Variants in PHLPP1 observed in about 807,000 individuals in gnomAD.
PHLPP1 encodes PH domain leucine-rich repeat-containing protein phosphatase 1.
PHLPP1 carries 42 observed loss-of-function variants against 117.2 expected under a neutral mutation model. That is an observed-to-expected ratio of 0.36 (90% CI 0.28 to 0.46). The LOEUF (loss-of-function observed/expected upper bound fraction) is 0.46, where lower values mean the gene tolerates loss of function less well. Among genes scored for constraint, PHLPP1 ranks in the 20% least tolerant of loss-of-function variants. The pLI, the probability that PHLPP1 is intolerant of heterozygous loss-of-function variation, is 1.00. For missense variants in PHLPP1, 2,084 were observed against 2,241.9 expected, an observed-to-expected ratio of 0.93 and a Z score of 1.42; for synonymous variants, 1,042 against 970.7, an observed-to-expected ratio of 1.07 and a Z score of -1.37.
intron 4 of PHLPP1, among the ~76,000 whole-genome samples, chr18:62,882,156 G>A (rs1916187517): frequency 6.6e-6 from 1 of 152,110 alleles, no homozygotes; most frequent in African/African-American, 2.4e-5. Flanking sequence ...CATGACTGTA[G>A]GACAAACTTA....
intron 1 of PHLPP1, among the ~76,000 whole-genome samples, chr18:62,766,076 A>AAAATATATATATATATATATATATAT: frequency 3.2e-4 from 7 of 21,636 alleles, no homozygotes; most frequent in Non-Finnish European, 4.2e-4. Flanking sequence ...AAAAAAAAAA[A>AAAATATATATATATATATATATATAT]ATATATATAT....
At chr18:62,802,215 A>G (rs528981051) in intron 1 of PHLPP1, among the ~76,000 whole-genome samples, 6 of 152,274 alleles carry the variant, frequency 3.9e-5, no homozygotes, top group Admixed American at 1.3e-4. Context: ...CAGAGGAAGG[A>G]CTGAGTGGCC....
intron 16 of PHLPP1, among the ~76,000 whole-genome samples, chr18:62,977,424 G>A (rs1421065623): frequency 5.0e-5 from 4 of 80,202 alleles, no homozygotes; most frequent in Admixed American, 1.8e-4. Context: ...GCAGGTACAC[G>A]TGGCAAAAAA....
intron 16 of PHLPP1, among the ~76,000 whole-genome samples, chr18:62,976,977 A>G (rs908499740): frequency 1.3e-5 from 2 of 152,228 alleles, no homozygotes; most frequent in Non-Finnish European, 2.9e-5. Flanking sequence ...TTCATTGCTC[A>G]TGAATCACAA....
At position 62,978,343 on chromosome 18, in the gene PHLPP1, C is replaced by A. The variant is rs746189691; in HGVS notation, c.4066C>A (p.His1356Asn). The stretch of plus-strand genomic sequence containing the variant: ...CCATCCCAGTGTGGTGCCTCGCCCC[C>A]ACGTGCAGTCCGTGCTCCTGACTCC... ...FLHPSVVPRPHVQSVLLTPQD... is the reference protein window; with the variant it reads ...FLHPSVVPRPNVQSVLLTPQD... Residue 1356 changes from histidine (H) to asparagine (N), a missense_variant, in exon 17 of 17, where the codon CAC becomes AAC. His to Asn is a moderately conservative substitution (Grantham distance 68). Coordinates refer to ENST00000262719, the MANE Select transcript of PHLPP1 (RefSeq NM_194449.4). This position sits in a 1 kb window ranked among gnomAD's most constrained non-coding sequence, Gnocchi z 7.0. 2 of 1,613,100 alleles carry A rather than the reference C, an allele frequency of 1.2e-6. No individual in the cohort carries two copies. The highest frequency in any genetic ancestry group is 1.7e-5 in the Admixed American group (1 of 59,924).
At position 62,717,291 on chromosome 18, in the gene PHLPP1, G is replaced by C. The variant is rs377440380; in HGVS notation, c.1576+32G>C. On this transcript the variant is annotated intron_variant, in intron 1 of 16. Coordinates refer to ENST00000262719, the MANE Select transcript of PHLPP1 (RefSeq NM_194449.4). ...AAGTCACCTGCCTTGACGGGTGGTT[G>C]CAAAAGCTGCCGAGGACCGAGGAGT... 8.3e-5 allele frequency: 127 copies of C among 1,535,848 alleles called. 1 individual carries two copies. In the African/African-American group the frequency reaches 1.5e-3, roughly 19 times the overall value.
intron 1 of PHLPP1, among the ~76,000 whole-genome samples, chr18:62,759,615 C>A (rs1007985782): frequency 2.6e-5 from 4 of 152,066 alleles, no homozygotes; most frequent in African/African-American, 9.7e-5. Flanking sequence ...GCTTACTTTC[C>A]CTTGGCTATG....
At chr18:62,934,366 A>G (rs768495207) in intron 10 of PHLPP1, among the ~76,000 whole-genome samples, 3 of 152,228 alleles carry the variant, frequency 2.0e-5, no homozygotes, top group South Asian at 2.1e-4. Flanking sequence ...TATGGTACAT[A>G]TATACCATGG....
At chr18:62,953,669 T>C (rs1910529761) in intron 12 of PHLPP1, among the ~76,000 whole-genome samples, 1 of 152,268 alleles carries the variant, frequency 6.6e-6, no homozygotes, top group Non-Finnish European at 1.5e-5. Flanking sequence ...TGTAGGTCCT[T>C]AATACATTTT....
intron 1 of PHLPP1, among the ~76,000 whole-genome samples, chr18:62,803,402 C>G (rs920005434): frequency 6.6e-6 from 1 of 152,100 alleles, no homozygotes; most frequent in African/African-American, 2.4e-5. Flanking sequence ...AAAATAACTG[C>G]TGTCCTAATT....
chr18:62,921,954 T>C (rs1909482016), intron 10 of PHLPP1, among the ~76,000 whole-genome samples: 1 of 152,250 alleles, frequency 6.6e-6, no homozygotes, highest in Non-Finnish European at 1.5e-5. Context: ...TGTACTCATG[T>C]AAGTTATAAT....
At chr18:62,915,165 C>CA (rs1909230022) in intron 9 of PHLPP1, among the ~76,000 whole-genome samples, 157 bp downstream of exon 9, 1 of 152,216 alleles carries the variant, frequency 6.6e-6, no homozygotes, top group Admixed American at 6.5e-5. Flanking sequence ...AAGTTACACA[C>CA]TTGCTTCATG....
intron 3 of PHLPP1, among the ~76,000 whole-genome samples, chr18:62,852,726 TG>T (rs1915390561): frequency 1.3e-5 from 2 of 152,236 alleles, no homozygotes; most frequent in Admixed American, 1.3e-4. Flanking sequence ...AGAGTCATTC[TG>T]GTTAATTTTG....
At chr18:62,811,544 C>CT (rs11389810) in intron 1 of PHLPP1, among the ~76,000 whole-genome samples, 25,083 of 138,198 alleles carry the variant, frequency 0.18, 3,957 homozygotes, top group African/African-American at 0.44. Context: ...GTTGTTGTGT[C>CT]TTTTTTTTTT....
At position 62,966,021 on chromosome 18, in the gene PHLPP1, G is replaced by T. The variant is rs555262188; in HGVS notation, c.3560+2549G>T. 6.6e-5 allele frequency among the ~76,000 whole-genome samples: 10 copies of T among 152,102 alleles called. No homozygotes were observed. The South Asian group carries it at 1.9e-3, about 28-fold the overall frequency. On this transcript the variant is annotated intron_variant, in intron 14 of 16. Coordinates refer to ENST00000262719, the MANE Select transcript of PHLPP1 (RefSeq NM_194449.4). Reference sequence around the variant, plus strand: ...TAACTTGTTTTTCATAATAAATAGAGGCAAGAATTTCAAAGGATTGAGATA... The same window carrying T: ...TAACTTGTTTTTCATAATAAATAGATGCAAGAATTTCAAAGGATTGAGATA...
intron 6 of PHLPP1, among the ~76,000 whole-genome samples, chr18:62,897,917 T>C (rs1339747583): frequency 6.6e-6 from 1 of 151,706 alleles, no homozygotes; most frequent in Non-Finnish European, 1.5e-5. Context: ...TCCCTTTAAA[T>C]GGAAATGGTA....
At chr18:62,868,935 T>A (rs557258160) in intron 4 of PHLPP1, among the ~76,000 whole-genome samples, 2 of 152,300 alleles carry the variant, frequency 1.3e-5, no homozygotes, top group Non-Finnish European at 2.9e-5. Flanking sequence ...ACTGAAATAT[T>A]TTGAATATAA....
intron 1 of PHLPP1, among the ~76,000 whole-genome samples, chr18:62,811,818 A>G (rs899990111): frequency 6.6e-6 from 1 of 152,206 alleles, no homozygotes; most frequent in African/African-American, 2.4e-5. Context: ...TGTCTATACA[A>G]GATAGCTTCT....
chr18:62,864,771 T>C (rs890425472), intron 4 of PHLPP1, among the ~76,000 whole-genome samples: 2 of 152,228 alleles, frequency 1.3e-5, no homozygotes, highest in African/African-American at 4.8e-5. Flanking sequence ...TCAGGATTTT[T>C]ACATTACCCA....
Sources: gnomAD v4.1 joint callset for allele counts (sites outside exome capture counted in the v4.1 genomes callset) on GRCh38, gnomAD v4.1.1 for gene constraint, Gnocchi (gnomAD v3.1) non-coding constraint, MANE v1.5 for transcripts, NCBI Gene and HGNC (gene_info 2026-07-23, HGNC 2026-07-21) for gene names.